The following SLAMF1 variants were observed in gnomAD, a reference collection of about 807,000 sequenced individuals.
SLAMF1 encodes the protein signaling lymphocytic activation molecule.
A neutral mutation model predicts 35.1 loss-of-function variants in SLAMF1; 18 were observed. The observed-to-expected ratio is 0.51, with a 90% CI of 0.35 to 0.76. The LOEUF (loss-of-function observed/expected upper bound fraction) is 0.76, where lower values mean the gene tolerates loss of function less well. Among genes scored for constraint, SLAMF1 ranks in the 30% least tolerant of loss-of-function variants. SLAMF1 has a pLI of 0.01. For synonymous variants in SLAMF1, 168 were observed against 157.2 expected (o/e 1.07, Z -0.51); for missense variants, 392 against 413.0 (o/e 0.95, Z 0.44).
chr1:160,612,445 A>G lies in SLAMF1; in HGVS notation c.957+43T>C, dbSNP rs1253859445. The G allele has an allele frequency of 6.1e-6, 8 of 1,315,594 alleles. No individual in the cohort carries two copies. The Admixed American group carries it at 8.0e-5, about 13-fold the overall frequency. 81.5% of individuals were successfully genotyped at this position (1,315,594 alleles called of 1,614,324 possible). ...AAACTTCCTCATTTTCCCCTCCTTCATGTATTCCCTCTCTACGGAGAGTAG... is the reference window on the plus strand; with the variant it reads ...AAACTTCCTCATTTTCCCCTCCTTCGTGTATTCCCTCTCTACGGAGAGTAG... On this transcript the variant is annotated intron_variant, in intron 6 of 6. Transcript: ENST00000302035.
Position 160,642,125 on chromosome 1 carries a change from A to C in SLAMF1, c.77-4596T>G, listed in dbSNP as rs1039674243. ...CAGGTACAGAAGGAACAGAACTTACAGACCCCACAGTTCTTTTGGTAAATT... is the reference window on the plus strand; with the variant it reads ...CAGGTACAGAAGGAACAGAACTTACCGACCCCACAGTTCTTTTGGTAAATT... On this transcript the variant is annotated intron_variant, in intron 1 of 6. Coordinates refer to ENST00000302035, the MANE Select transcript of SLAMF1 (RefSeq NM_003037.5). The surrounding 1 kb of genome is among the most constrained non-coding windows in gnomAD (Gnocchi z 4.2). Among the ~76,000 whole-genome samples, 1 of 152,228 alleles carries C rather than the reference A, an allele frequency of 6.6e-6. No homozygotes were observed. Among genetic ancestry groups the C allele is most frequent in the Non-Finnish European group, 1.5e-5 (1 of 68,032 alleles).
intron 1 of SLAMF1, among the ~76,000 whole-genome samples, chr1:160,639,325 A>G (rs1660621326): frequency 6.6e-6 from 1 of 152,040 alleles, no homozygotes. Flanking sequence ...TCCCGGGCTC[A>G]AGCAAGTCCC....
chr1:160,619,490 A>G (rs894375060), intron 5 of SLAMF1, among the ~76,000 whole-genome samples: 1 of 152,210 alleles, frequency 6.6e-6, no homozygotes, highest in African/African-American at 2.4e-5. Context: ...CTAACATGGA[A>G]CCTAGACTCC....
chr1:160,628,842 G>A (rs76605107), intron 3 of SLAMF1, among the ~76,000 whole-genome samples: 2 of 152,326 alleles, frequency 1.3e-5, no homozygotes, highest in East Asian at 3.9e-4. Context: ...ATAACAAGAT[G>A]GAGCCAGGAG....
chr1:160,619,693 G>A (rs1374107038), intron 5 of SLAMF1, 83 bp downstream of exon 5: 1 of 902,628 alleles, frequency 1.1e-6, no homozygotes, highest in African/African-American at 1.6e-5. Context: ...GGAAAACTGT[G>A]AATGTCCAAC....
chr1:160,633,592 G>A (rs566948888), intron 3 of SLAMF1, among the ~76,000 whole-genome samples: 1 of 152,322 alleles, frequency 6.6e-6, no homozygotes, highest in African/African-American at 2.4e-5. Context: ...ATGCAGAGAG[G>A]AGAATGTCAG....
intron 1 of SLAMF1, among the ~76,000 whole-genome samples, chr1:160,645,854 G>GAC (rs1450631477): frequency 1.3e-5 from 2 of 152,046 alleles, no homozygotes; most frequent in Non-Finnish European, 2.9e-5. Context: ...GCATATCACG[G>GAC]TGCTTTTCCT....
rs1433812165 is a variant in SLAMF1 at position 160,608,772 on chromosome 1, G to C, written c.*1976C>G. On this transcript the variant is annotated 3_prime_UTR_variant, in exon 7 of 7. Coordinates refer to ENST00000302035, the MANE Select transcript of SLAMF1 (RefSeq NM_003037.5). Reference sequence around the variant, plus strand: ...AGCCCGGGTTTACAAATCTTCATTAGTAGCTCCACAGTTTTGAGAGTAGAC... The same window carrying C: ...AGCCCGGGTTTACAAATCTTCATTACTAGCTCCACAGTTTTGAGAGTAGAC... 6.6e-6 allele frequency: 1 copy of C among 152,152 alleles called. No homozygotes were observed. The highest frequency in any genetic ancestry group is 1.5e-5 in the Non-Finnish European group (1 of 68,058). The allele number at this position is 152,152 out of a possible 1,614,324, so 9.4% of individuals were successfully genotyped here.
chr1:160,645,755 G>C (rs1034203193), intron 1 of SLAMF1, among the ~76,000 whole-genome samples: 1 of 152,210 alleles, frequency 6.6e-6, no homozygotes, highest in Non-Finnish European at 1.5e-5. Flanking sequence ...TGGATCTGCA[G>C]ATTCCAAAAG....
chr1:160,630,525 C>G (rs190442377), intron 3 of SLAMF1, among the ~76,000 whole-genome samples: 3 of 152,252 alleles, frequency 2.0e-5, no homozygotes, highest in Non-Finnish European at 4.4e-5. Flanking sequence ...TGACAGATGG[C>G]AAAGCAACCT....
chr1:160,643,037 C>G (rs1468762888), intron 1 of SLAMF1, among the ~76,000 whole-genome samples: 2 of 22,768 alleles, frequency 8.8e-5, no homozygotes, highest in Non-Finnish European at 1.4e-3. Flanking sequence ...ATAGTAAATG[C>G]TTTGGCCCCC....
chr1:160,632,041 C>A (rs6703758), intron 3 of SLAMF1, among the ~76,000 whole-genome samples: 44 of 152,012 alleles, frequency 2.9e-4, no homozygotes, highest in African/African-American at 9.7e-4. Context: ...TGGGAGAGAT[C>A]CTTCTCTGAC....
chr1:160,639,356 G>C (rs1470446047), intron 1 of SLAMF1, among the ~76,000 whole-genome samples: 1 of 152,136 alleles, frequency 6.6e-6, no homozygotes, highest in Non-Finnish European at 1.5e-5. Context: ...CTCCTGGGTA[G>C]CTGGGATTAC....
chr1:160,615,647 G>A (rs1659256410), intron 5 of SLAMF1: 1 of 223,312 alleles, frequency 4.5e-6, no homozygotes, highest in Non-Finnish European at 9.3e-6. Context: ...CAAAAGATAT[G>A]TCCAGGCAGA....
At chr1:160,629,929 C>T (rs1345609257) in intron 3 of SLAMF1, among the ~76,000 whole-genome samples, 1 of 152,178 alleles carries the variant, frequency 6.6e-6, no homozygotes, top group Non-Finnish European at 1.5e-5. Flanking sequence ...GACTCTGAAA[C>T]AATGGGAACT....
Position 160,612,545 on chromosome 1 carries a change from C to T in SLAMF1, c.900G>A (p.Gln300=), listed in dbSNP as rs764306912. 9.9e-6 allele frequency: 16 copies of T among 1,613,106 alleles called. No individual in the cohort carries two copies. In the Admixed American group the frequency reaches 1.8e-4, roughly 19 times the overall value. The change falls in exon 6 of 7, where the codon CAG becomes CAA. Residue 300 remains glutamine, a synonymous_variant. Coordinates refer to ENST00000302035, the MANE Select transcript of SLAMF1 (RefSeq NM_003037.5). ...CAACATATATGGTGGTGCAAGGGTC[C>T]TGAGCTGGGAAGGAGTCAAGTTTCT... ...LQKKLDSFPA[Q]DPCTTIYVAA...
chr1:160,615,734 G>C (rs11590346), intron 5 of SLAMF1: 2 of 351,362 alleles, frequency 5.7e-6, no homozygotes, highest in Non-Finnish European at 1.1e-5. Context: ...GGTCATCCTG[G>C]ATTAGAATAA....
At chr1:160,618,091 CAAAAAA>C (rs1659405953) in intron 5 of SLAMF1, among the ~76,000 whole-genome samples, 2 of 152,054 alleles carry the variant, frequency 1.3e-5, no homozygotes, top group Admixed American at 1.3e-4. Context: ...AAACAAAAAA[CAAAAAA>C]CACGCAACAC....
At chr1:160,636,000 G>A (rs1487349615) in intron 2 of SLAMF1, among the ~76,000 whole-genome samples, 1 of 152,194 alleles carries the variant, frequency 6.6e-6, no homozygotes, top group Non-Finnish European at 1.5e-5. Context: ...GCCAAGTTAA[G>A]ATCTGAACCT....
Sources: allele counts gnomAD v4.1 joint callset (sites outside exome capture counted in the v4.1 genomes callset), GRCh38; gene constraint gnomAD v4.1.1; non-coding constraint Gnocchi (gnomAD v3.1); transcripts MANE v1.5; gene names NCBI Gene and HGNC (gene_info 2026-07-23, HGNC 2026-07-21).